Variants in ANKRD44 observed in about 807,000 individuals in gnomAD.
ANKRD44 encodes ankyrin repeat domain 44.
A neutral mutation model predicts 116.0 loss-of-function variants in ANKRD44; 35 were observed. The observed-to-expected ratio is 0.30, with a 90% CI of 0.23 to 0.40. The LOEUF (loss-of-function observed/expected upper bound fraction) is 0.40, where lower values mean the gene tolerates loss of function less well. ANKRD44 is among the 10% of genes least tolerant of loss of function. The probability of loss-of-function intolerance (pLI) is 1.00; values close to 1 mark genes in which losing one functional copy is unlikely to be tolerated. For synonymous variants in ANKRD44, 435 were observed against 461.8 expected, an observed-to-expected ratio of 0.94 and a Z score of 0.74; for missense variants, 1,014 against 1,242.6, an observed-to-expected ratio of 0.82 and a Z score of 2.77.
intron 16 of ANKRD44, chr2:197,078,156 G>A (rs2077713291): frequency 1.3e-5 from 2 of 157,544 alleles, no homozygotes; most frequent in Admixed American, 6.1e-5. Context: ...ATAAAAGTTT[G>A]TTTTATCATG....
intron 15 of ANKRD44, among the ~76,000 whole-genome samples, chr2:197,080,934 C>T (rs187992020): frequency 2.0e-5 from 3 of 152,340 alleles, no homozygotes; most frequent in Admixed American, 1.3e-4. Context: ...TGTTCATTTA[C>T]TCAACAGTTA....
rs756991363 is a variant in ANKRD44 at position 197,273,981 on chromosome 2, ATATATATATATATATATATATATAT to A, written c.27+36572_27+36596del. On this transcript the variant is annotated intron_variant, in intron 1 of 27. Transcript: ENST00000282272. ...ACCACAAAAAAAAAAAAAAAAAAAAATATATATATATATATATATATATATATATATATATATATATATATATGAA... is the reference window on the plus strand; with the variant it reads ...ACCACAAAAAAAAAAAAAAAAAAAAAATATATATATATATATATATATGAA... 9.2e-4 allele frequency among the ~76,000 whole-genome samples: 22 copies of A among 23,982 alleles called. 2 individuals carry two copies. The highest frequency in any genetic ancestry group is 3.2e-3 in the African/African-American group (14 of 4,398). The allele number at this position is 23,982 out of a possible 152,430, so 15.7% of individuals were successfully genotyped here.
chr2:196,992,144 C>T (rs2075929795), intron 27 of ANKRD44, among the ~76,000 whole-genome samples: 1 of 152,178 alleles, frequency 6.6e-6, no homozygotes, highest in South Asian at 2.1e-4. Flanking sequence ...TAGCTGCCTT[C>T]TCAGCTGGCC....
chr2:197,025,241 A>C lies in ANKRD44; in HGVS notation c.1677T>G (p.Phe559Leu). The C allele has an allele frequency of 6.2e-7, 1 of 1,612,482 alleles. No homozygotes were observed. The highest frequency in any genetic ancestry group is 8.5e-7 in the Non-Finnish European group (1 of 1,178,678). The change falls in exon 17 of 28, where the codon TTT (phenylalanine) becomes TTG (leucine). Residue 559 changes from phenylalanine to leucine, a missense_variant. By Grantham distance (22) the Phe-to-Leu change is conservative (BLOSUM62 0). Coordinates refer to ENST00000282272, the MANE Select transcript of ANKRD44 (RefSeq NM_001195144.2). ...ELLLERTNSG[F>L]EESDSGATKS... ...TAGTAGCACCAGAATCTGATTCTTC[A>C]AATCCACTGTTTGTTCTTTCCAAAA...
At chr2:197,179,283 A>G (rs1011564208) in intron 2 of ANKRD44, among the ~76,000 whole-genome samples, 3 of 152,110 alleles carry the variant, frequency 2.0e-5, no homozygotes, top group Non-Finnish European at 4.4e-5. Context: ...CTAGTCTCAC[A>G]TGTTTATTCT....
chr2:197,150,920 C>A (rs781215108), intron 2 of ANKRD44, among the ~76,000 whole-genome samples: 10 of 152,070 alleles, frequency 6.6e-5, no homozygotes, highest in Non-Finnish European at 1.3e-4. Context: ...TGGAAAAAAA[C>A]AATGACAAAC....
chr2:196,980,230 C>A (rs917778550), intron 21 of ANKRD44, among the ~76,000 whole-genome samples: 2 of 152,096 alleles, frequency 1.3e-5, no homozygotes, highest in Admixed American at 1.3e-4. Context: ...GCAGCCTAAT[C>A]AAAATTTACA....
chr2:197,205,480 C>G (rs1451974170), intron 1 of ANKRD44, among the ~76,000 whole-genome samples: 1 of 152,178 alleles, frequency 6.6e-6, no homozygotes, highest in African/African-American at 2.4e-5. Flanking sequence ...ACCCCATTTC[C>G]CTGAGAAAGA....
intron 1 of ANKRD44, among the ~76,000 whole-genome samples, chr2:197,273,160 C>T (rs2082947776): frequency 6.6e-6 from 1 of 152,144 alleles, no homozygotes; most frequent in Non-Finnish European, 1.5e-5. Flanking sequence ...CAGTATTCAC[C>T]AGGCCTGCAT....
Position 197,122,809 on chromosome 2 carries a change from GC to G in ANKRD44, c.551-18del, listed in dbSNP as rs779589270. 2 of 1,610,776 alleles carry G rather than the reference GC, an allele frequency of 1.2e-6. No individual in the cohort carries two copies. Among genetic ancestry groups the G allele is most frequent in the South Asian group, 2.2e-5 (2 of 90,324 alleles). On this transcript the variant is annotated intron_variant, in intron 6 of 27. Coordinates refer to ENST00000282272, the MANE Select transcript of ANKRD44 (RefSeq NM_001195144.2). ...CCAAGTGGCCTTTACAAACAAAGCAGCAGAAAACATCGTTAACCTTTATAGG... is the reference window on the plus strand; with the variant it reads ...CCAAGTGGCCTTTACAAACAAAGCAGAGAAAACATCGTTAACCTTTATAGG...
chr2:197,187,252 C>T (rs2080701128), intron 1 of ANKRD44, 146 bp from the exon 2 acceptor site: 1 of 721,830 alleles, frequency 1.4e-6, no homozygotes, highest in South Asian at 1.7e-5. Flanking sequence ...CAGACCAACC[C>T]TTACAAGAAG....
intron 21 of ANKRD44, among the ~76,000 whole-genome samples, chr2:197,003,278 T>A (rs2076146183): frequency 6.6e-6 from 1 of 151,762 alleles, no homozygotes; most frequent in Admixed American, 6.6e-5. Flanking sequence ...GCCACAAGCC[T>A]GGGTGACAGA....
At chr2:197,147,722 C>T in intron 2 of ANKRD44, 1 of 252,944 alleles carries the variant, frequency 4.0e-6, no homozygotes, top group Non-Finnish European at 8.1e-6. Context: ...AGTGGGAAGG[C>T]TGACAATAGT....
At chr2:197,255,808 C>A in intron 1 of ANKRD44, among the ~76,000 whole-genome samples, 1 of 152,246 alleles carries the variant, frequency 6.6e-6, no homozygotes, top group East Asian at 1.9e-4. Flanking sequence ...CAACGACGCT[C>A]CTGGAGTCAG....
At position 197,120,186 on chromosome 2, in the gene ANKRD44, C is replaced by T. The variant is rs551109789; in HGVS notation, c.906+1146G>A. 1.7e-4 allele frequency among the ~76,000 whole-genome samples: 26 copies of T among 152,308 alleles called. No homozygotes were observed. In the South Asian group the frequency reaches 5.0e-3, roughly 29 times the overall value. ...GATTACCTGAGTGCATGCTACCTCC[C>T]TACTACACTGTAAGTTCCTTAAAGG... On this transcript the variant is annotated intron_variant, in intron 8 of 27. Coordinates refer to ENST00000282272, the MANE Select transcript of ANKRD44 (RefSeq NM_001195144.2).
intron 1 of ANKRD44, among the ~76,000 whole-genome samples, chr2:197,217,837 G>A (rs1055302815): frequency 2.6e-5 from 4 of 152,158 alleles, no homozygotes; most frequent in Admixed American, 1.3e-4. Flanking sequence ...GATCTAAAAA[G>A]TCTGTGGTTC....
At chr2:197,004,337 A>G (rs1472866396) in intron 21 of ANKRD44, among the ~76,000 whole-genome samples, 1 of 152,204 alleles carries the variant, frequency 6.6e-6, no homozygotes, top group Non-Finnish European at 1.5e-5. Context: ...GGAAAAAAAC[A>G]TCCTAAACAA....
At chr2:197,052,865 G>GT (rs893869494) in intron 16 of ANKRD44, among the ~76,000 whole-genome samples, 29 of 151,878 alleles carry the variant, frequency 1.9e-4, no homozygotes, top group Admixed American at 3.9e-4. Flanking sequence ...CTGTTTTGCT[G>GT]TTTTTTTTAA....
At chr2:197,097,231 G>T (rs1015878753) in intron 10 of ANKRD44, among the ~76,000 whole-genome samples, 10 of 152,008 alleles carry the variant, frequency 6.6e-5, no homozygotes, top group Non-Finnish European at 4.4e-5. Context: ...TCCTAAAATG[G>T]ATTCAAGTCT....
Sources: gnomAD v4.1 joint callset for allele counts (sites outside exome capture counted in the v4.1 genomes callset) on GRCh38, gnomAD v4.1.1 for gene constraint, MANE v1.5 for transcripts, NCBI Gene and HGNC (gene_info 2026-07-23, HGNC 2026-07-21) for gene names.